C8A: variants seen among roughly 807,000 people sequenced by gnomAD.
The protein encoded by C8A is complement C8 alpha chain.
C8A carries 67 observed loss-of-function variants against 65.3 expected under a neutral mutation model. The ratio of observed to expected loss-of-function variants is 1.03; its 90% CI spans 0.84 to 1.26. C8A has a LOEUF of 1.26. Ranked by LOEUF, C8A falls within the 50% of genes most tolerant of loss-of-function variation. The pLI, the probability that C8A is intolerant of heterozygous loss-of-function variation, is 0.00. For synonymous variants in C8A, 290 were observed against 259.4 expected, an observed-to-expected ratio of 1.12 and a Z score of -1.13; for missense variants, 781 against 723.9, an observed-to-expected ratio of 1.08 and a Z score of -0.90.
At chr1:56,860,386 C>T (rs1365067624) in intron 1 of C8A, among the ~76,000 whole-genome samples, 1 of 152,056 alleles carries the variant, frequency 6.6e-6, no homozygotes, top group Non-Finnish European at 1.5e-5. Flanking sequence ...TCCCAAAGAA[C>T]CTTAGGCACC....
At chr1:56,860,830 A>C (rs1557695429) in intron 1 of C8A, among the ~76,000 whole-genome samples, 1 of 152,162 alleles carries the variant, frequency 6.6e-6, no homozygotes, top group Admixed American at 6.5e-5. Flanking sequence ...AAAAAGAAGA[A>C]AGACCGGACT....
rs1644435823 is a variant in C8A at position 56,902,705 on chromosome 1, A to G, written c.1097-3962A>G. On this transcript the variant is annotated intron_variant, in intron 7 of 10. Transcript: ENST00000361249. ...GATACCCTTTGATTCTATATATCTG[A>G]CTATTCATATATCTAATATAAGTGG... Among the ~76,000 whole-genome samples, 4 of 152,224 alleles carry G rather than the reference A, an allele frequency of 2.6e-5. No homozygotes were observed. In the East Asian group the frequency reaches 7.7e-4, roughly 29 times the overall value.
chr1:56,890,407 T>G (rs1334886532), intron 7 of C8A, among the ~76,000 whole-genome samples: 2 of 152,194 alleles, frequency 1.3e-5, no homozygotes, highest in African/African-American at 4.8e-5. Flanking sequence ...TGGTCACTGT[T>G]CTTGCAAAGC....
chr1:56,905,697 A>T (rs1644459044), intron 7 of C8A, among the ~76,000 whole-genome samples: 2 of 152,266 alleles, frequency 1.3e-5, no homozygotes, highest in Non-Finnish European at 2.9e-5. Context: ...ATAGAATAAC[A>T]GTATGACTGG....
chr1:56,885,603 C>T (rs1456402301), intron 6 of C8A, among the ~76,000 whole-genome samples: 2 of 143,776 alleles, frequency 1.4e-5, no homozygotes, highest in African/African-American at 5.1e-5. Context: ...TGCTCTATTG[C>T]CAGGCTGGAG....
intron 3 of C8A, among the ~76,000 whole-genome samples, chr1:56,875,307 A>G (rs541555706): frequency 1.3e-5 from 2 of 152,320 alleles, no homozygotes; most frequent in Admixed American, 6.5e-5. Flanking sequence ...CTGTTGATTC[A>G]TTTAGAAAAA....
At chr1:56,909,602 T>C (rs1157658369) in intron 9 of C8A, among the ~76,000 whole-genome samples, 1 of 152,192 alleles carries the variant, frequency 6.6e-6, no homozygotes, top group East Asian at 1.9e-4. Context: ...AAAACTTCCC[T>C]GGGAAGACTC....
chr1:56,917,812 T>A lies in C8A; in HGVS notation c.*96T>A, dbSNP rs1020954176. 9.5e-6 allele frequency: 14 copies of A among 1,469,990 alleles called. No individual in the cohort carries two copies. The African/African-American group carries it at 1.9e-4, about 20-fold the overall frequency. The allele number at this position is 1,469,990 out of a possible 1,614,324, so 91.1% of individuals were successfully genotyped here. A position where few individuals can be genotyped will look rare whatever the true frequency, so the allele number is the denominator to read the frequency against. ...TCTTTCAACTAAGAGAAGATGCAAATCAGCACACTTTTTTCTTTGTTCTGC... is the reference window on the plus strand; with the variant it reads ...TCTTTCAACTAAGAGAAGATGCAAAACAGCACACTTTTTTCTTTGTTCTGC... On this transcript the variant is annotated 3_prime_UTR_variant, in exon 11 of 11. Transcript: ENST00000361249.
At chr1:56,893,104 T>G in intron 7 of C8A, among the ~76,000 whole-genome samples, 1 of 151,240 alleles carries the variant, frequency 6.6e-6, no homozygotes, top group East Asian at 1.9e-4. Context: ...CTGAGATATC[T>G]TTTTTTTTAA....
rs1056171912 is a variant in C8A at position 56,912,109 on chromosome 1, G to A, written c.1381-294G>A. Among the ~76,000 whole-genome samples the A allele has an allele frequency of 5.9e-5, 9 of 152,262 alleles. No individual in the cohort carries two copies. The South Asian group carries it at 1.9e-3, about 32-fold the overall frequency. On this transcript the variant is annotated intron_variant, in intron 9 of 10. Coordinates refer to ENST00000361249, the MANE Select transcript of C8A (RefSeq NM_000562.3). ...GCCTCACGTCCTAGCTGTGTGGGCTGGGACTTTTAACTGCCCCTCTCTAAA... is the reference window on the plus strand; with the variant it reads ...GCCTCACGTCCTAGCTGTGTGGGCTAGGACTTTTAACTGCCCCTCTCTAAA...
intron 1 of C8A, among the ~76,000 whole-genome samples, chr1:56,859,879 T>A (rs1644013958): frequency 6.6e-6 from 1 of 152,040 alleles, no homozygotes; most frequent in African/African-American, 2.4e-5. Flanking sequence ...CTGACCAACA[T>A]GGTGAAACTC....
intron 2 of C8A, among the ~76,000 whole-genome samples, chr1:56,869,822 C>T (rs757397854): frequency 1.3e-5 from 2 of 152,050 alleles, no homozygotes; most frequent in African/African-American, 4.8e-5. Flanking sequence ...TGAATTAATC[C>T]CTGCTTTTCT....
In C8A at chr1:56,886,097, C is replaced by T; in HGVS notation, c.1026C>T (p.Ile342=). 6.2e-7 allele frequency: 1 copy of T among 1,614,012 alleles called. No homozygotes were observed. The highest frequency in any genetic ancestry group is 8.5e-7 in the Non-Finnish European group (1 of 1,179,928). The change falls in exon 7 of 11, where the codon ATC becomes ATT. Residue 342 remains isoleucine, a synonymous_variant. Coordinates refer to ENST00000361249, the MANE Select transcript of C8A (RefSeq NM_000562.3). ...KFINDYGTHY[I]TSGSMGGIYE... ...TCAATGACTATGGCACCCATTACATCACATCTGGATCCATGGGTGGCATTT... is the reference window on the plus strand; with the variant it reads ...TCAATGACTATGGCACCCATTACATTACATCTGGATCCATGGGTGGCATTT...
chr1:56,885,842 A>T (rs1205264171), intron 6 of C8A, 85 bp from the exon 7 acceptor site: 4 of 1,587,960 alleles, frequency 2.5e-6, no homozygotes, highest in South Asian at 1.1e-5. Flanking sequence ...GAGCCACTGC[A>T]CCCAGAGACC....
At chr1:56,874,866 T>A in intron 2 of C8A, 83 bp from the exon 3 acceptor site, 1 of 1,492,026 alleles carries the variant, frequency 6.7e-7, no homozygotes, top group Non-Finnish European at 9.3e-7. Flanking sequence ...ATTTCTTATG[T>A]TGAGCCGAAA....
intron 5 of C8A, 64 bp downstream of exon 5, chr1:56,881,698 T>C (rs1644250089): frequency 6.9e-7 from 1 of 1,443,332 alleles, no homozygotes; most frequent in Non-Finnish European, 9.7e-7. Flanking sequence ...CAGAGGCCTA[T>C]TTGTGGAGAT....
intron 1 of C8A, among the ~76,000 whole-genome samples, chr1:56,862,080 A>G (rs747687663): frequency 5.9e-5 from 9 of 152,130 alleles, no homozygotes; most frequent in African/African-American, 1.4e-4. Context: ...TACATTCAAT[A>G]TATTTTTGAT....
intron 7 of C8A, among the ~76,000 whole-genome samples, chr1:56,901,853 C>A (rs1480140395): frequency 6.6e-6 from 1 of 152,070 alleles, no homozygotes; most frequent in African/African-American, 2.4e-5. Flanking sequence ...GTGTCAGAGT[C>A]CTCCTCGCAC....
At chr1:56,898,785 G>T (rs1030621397) in intron 7 of C8A, among the ~76,000 whole-genome samples, 2 of 152,082 alleles carry the variant, frequency 1.3e-5, no homozygotes, top group Non-Finnish European at 2.9e-5. Context: ...TTTCTAGCTG[G>T]GGTGGTTCCA....
Sources: gnomAD v4.1 joint callset for allele counts (sites outside exome capture counted in the v4.1 genomes callset) on GRCh38, gnomAD v4.1.1 for gene constraint, MANE v1.5 for transcripts, NCBI Gene and HGNC (gene_info 2026-07-23, HGNC 2026-07-21) for gene names.